Variants in TRMT44 observed in about 807,000 individuals in gnomAD.
TRMT44 encodes the protein tRNA methyltransferase 44 homolog.
A neutral mutation model predicts 77.3 loss-of-function variants in TRMT44; 78 were observed. That is an observed-to-expected ratio of 1.01 (90% CI 0.84 to 1.22). The LOEUF is 1.22. Ranked by LOEUF, TRMT44 falls within the 50% of genes most tolerant of loss-of-function variation. The pLI, the probability that TRMT44 is intolerant of heterozygous loss-of-function variation, is 0.00. For synonymous variants in TRMT44, 391 were observed against 383.3 expected (o/e 1.02, Z -0.23); for missense variants, 1,090 against 964.4 (o/e 1.13, Z -1.73).
downstream of TRMT44, among the ~76,000 whole-genome samples, chr4:8,496,059 A>G (rs1019171086): frequency 6.6e-6 from 1 of 152,072 alleles, no homozygotes; most frequent in Non-Finnish European, 1.5e-5. Context: ...GCAGTGGGAA[A>G]CCTTCATTTG....
downstream of TRMT44, among the ~76,000 whole-genome samples, chr4:8,495,902 T>A (rs1222022135): frequency 2.6e-5 from 4 of 152,196 alleles, no homozygotes; most frequent in Non-Finnish European, 5.9e-5. Flanking sequence ...TTCACTCTGG[T>A]CCTCTCCCAC....
Position 8,468,025 on chromosome 4 carries a change from G to C in TRMT44, c.1606G>C (p.Gly536Arg). The part of the protein sequence containing the change: ...SRRGCPVSPP[G>R]WELSPSPRWV... ...GCGGGGCTGCCCTGTAAGCCCACCT[G>C]GCTGGGAGCTTTCCCCTTCTCCACG... is the stretch of plus-strand genomic sequence containing the variant. Residue 536 changes from glycine (G) to arginine (R), a missense_variant, in exon 9 of 11, where the codon GGC becomes CGC. Coordinates refer to ENST00000389737, the MANE Select transcript of TRMT44 (RefSeq NM_152544.3). 6.2e-7 allele frequency: 1 copy of C among 1,614,022 alleles called. No homozygotes were observed. Among genetic ancestry groups the C allele is most frequent in the Non-Finnish European group, 8.5e-7 (1 of 1,180,042 alleles).
chr4:8,457,140 T>TAG (rs1468764351), intron 6 of TRMT44, among the ~76,000 whole-genome samples: 1 of 151,062 alleles, frequency 6.6e-6, no homozygotes, highest in Non-Finnish European at 1.5e-5. Flanking sequence ...CTGGAAAAAA[T>TAG]GCCAAAAAGG....
At chr4:8,470,124 G>A (rs1726882365) in intron 9 of TRMT44, among the ~76,000 whole-genome samples, 1 of 152,258 alleles carries the variant, frequency 6.6e-6, no homozygotes, top group Admixed American at 6.5e-5. Context: ...CGGGGCAACA[G>A]GGAAGGCTGA....
In TRMT44 at chr4:8,465,395, GCTT is replaced by G. The variant is rs1321654197; in HGVS notation, c.1332_1334del (p.Phe445del). ...TTTTGAAGGTCTTCCTACAATTGCC[GCTT>G]CTTTGTCCTCCCCTGCTGCTTCTTT... On this transcript the variant is annotated inframe_deletion, in exon 8 of 11. Transcript: ENST00000389737. 6.2e-7 allele frequency: 1 copy of G among 1,611,860 alleles called. No homozygotes were observed. The highest frequency in any genetic ancestry group is 8.5e-7 in the Non-Finnish European group (1 of 1,179,226).
At chr4:8,492,437 C>T (rs938353437) in intron 2 of TRMT44, among the ~76,000 whole-genome samples, 5 of 152,172 alleles carry the variant, frequency 3.3e-5, no homozygotes, top group South Asian at 2.1e-4. Flanking sequence ...CTAACCTAAC[C>T]GACTCCATCT....
the TRMT44 span, chr4:8,510,321 A>G: frequency 1.3e-5 from 2 of 152,720 alleles, no homozygotes; most frequent in Admixed American, 6.5e-5. Flanking sequence ...AGAGCCGGCC[A>G]TGGGGTGTCC....
intron 6 of TRMT44, among the ~76,000 whole-genome samples, chr4:8,455,328 C>T (rs951356658): frequency 6.6e-6 from 1 of 152,318 alleles, no homozygotes; most frequent in Admixed American, 6.5e-5. Flanking sequence ...TACTTGGGGC[C>T]TCTGAGAAGG....
At chr4:8,490,636 C>T (rs1446480123) in intron 2 of TRMT44, among the ~76,000 whole-genome samples, 1 of 152,128 alleles carries the variant, frequency 6.6e-6, no homozygotes, top group Admixed American at 6.5e-5. Context: ...AAGCTGCAGA[C>T]CTTCGCGGTG....
At chr4:8,456,976 C>T (rs1407586496) in intron 6 of TRMT44, among the ~76,000 whole-genome samples, 1 of 151,502 alleles carries the variant, frequency 6.6e-6, no homozygotes, top group East Asian at 1.9e-4. Context: ...CGCTTGAGGC[C>T]AGGAGTTCAA....
chr4:8,496,825 A>C (rs1728164694), downstream of TRMT44, among the ~76,000 whole-genome samples: 1 of 151,436 alleles, frequency 6.6e-6, no homozygotes, highest in African/African-American at 2.4e-5. Flanking sequence ...ATGGGGTTAA[A>C]TTTTTTAAAT....
chr4:8,447,728 C>T (rs1195890278), intron 2 of TRMT44, among the ~76,000 whole-genome samples: 2 of 152,202 alleles, frequency 1.3e-5, no homozygotes, highest in Non-Finnish European at 2.9e-5. Flanking sequence ...CCAGAGGTTG[C>T]CCCGAGTTGT....
At position 8,441,062 on chromosome 4, in the gene TRMT44, A is replaced by T; in HGVS notation, c.240A>T (p.Gly80=). ...RGPGPGQGSP[G]GGPGPRSLSG... Reference sequence around the variant, plus strand: ...CGGGACCCGGCCAGGGTTCCCCCGGAGGGGGCCCGGGTCCCAGGTCGCTAT... The same window carrying T: ...CGGGACCCGGCCAGGGTTCCCCCGGTGGGGGCCCGGGTCCCAGGTCGCTAT... The change falls in exon 1 of 11, where the codon GGA becomes GGT. Residue 80 remains glycine (G), a synonymous_variant. Transcript: ENST00000389737. The T allele has an allele frequency of 6.7e-7, 1 of 1,485,998 alleles. No individual in the cohort carries two copies. Among genetic ancestry groups the T allele is most frequent in the South Asian group, 1.3e-5 (1 of 75,854 alleles). The allele number at this position is 1,485,998 out of a possible 1,614,324, so 92.1% of individuals were successfully genotyped here. A position where few individuals can be genotyped will look rare whatever the true frequency, so the allele number is the denominator to read the frequency against.
At chr4:8,505,656 G>A in the TRMT44 span, among the ~76,000 whole-genome samples, 1 of 152,240 alleles carries the variant, frequency 6.6e-6, no homozygotes, top group Non-Finnish European at 1.5e-5. Context: ...TCATTCAGAT[G>A]AGGAAGCAGA....
At position 8,449,949 on chromosome 4, in the gene TRMT44, C is replaced by CTTTTCTTTTCT. The variant is rs761311536; in HGVS notation, c.954+65_954+66insCTTTTCTTTTT. The CTTTTCTTTTCT allele has an allele frequency of 2.2e-3, 535 of 238,946 alleles. 18 individuals carry two copies. The highest frequency in any genetic ancestry group is 4.4e-3 in the African/African-American group (59 of 13,440). 14.8% of individuals were successfully genotyped at this position (238,946 alleles called of 1,614,324 possible). On this transcript the variant is annotated intron_variant, in intron 3 of 10. Coordinates refer to ENST00000389737, the MANE Select transcript of TRMT44 (RefSeq NM_152544.3). ...TCATGATTTTCTTTTCTTTTCTTTT[C>CTTTTCTTTTCT]TTTTTTTTTTTTTTTTTTTTTTTTT...
chr4:8,478,740 A>C (rs2109207955), downstream of TRMT44: 1 of 152,294 alleles, frequency 6.6e-6, no homozygotes, highest in East Asian at 1.9e-4. Flanking sequence ...CATGAGGGGG[A>C]ATCTCGCCAG....
intron 9 of TRMT44, among the ~76,000 whole-genome samples, chr4:8,469,731 G>A (rs1198782146): frequency 2.6e-5 from 4 of 152,176 alleles, no homozygotes; most frequent in African/African-American, 4.8e-5. Flanking sequence ...GTGGGTCTGG[G>A]GCTTGTTAGG....
At position 8,452,237 on chromosome 4, in the gene TRMT44, TC is replaced by T. The variant is rs1300845798; in HGVS notation, c.1023+211del. ...TTTGGGTTGAAACTTGACCTCGGGT[TC>T]CAACTTGACCTGCAGGCGGAACTGT... On this transcript the variant is annotated intron_variant, in intron 4 of 10. Transcript: ENST00000389737. The surrounding 1 kb of genome is among the most constrained non-coding windows in gnomAD (Gnocchi z 5.7). Among the ~76,000 whole-genome samples, 1 of 152,226 alleles carries T rather than the reference TC, an allele frequency of 6.6e-6. No homozygotes were observed. Among genetic ancestry groups the T allele is most frequent in the Admixed American group, 6.5e-5 (1 of 15,282 alleles).
At chr4:8,486,726 C>T (rs1024640664) in intron 2 of TRMT44, among the ~76,000 whole-genome samples, 5 of 152,174 alleles carry the variant, frequency 3.3e-5, no homozygotes, top group African/African-American at 1.2e-4. Context: ...TTGACTATGC[C>T]TTTAGCTCCA....
Sources: allele counts gnomAD v4.1 joint callset (sites outside exome capture counted in the v4.1 genomes callset), GRCh38; gene constraint gnomAD v4.1.1; non-coding constraint Gnocchi (gnomAD v3.1); transcripts MANE v1.5; gene names NCBI Gene and HGNC (gene_info 2026-07-23, HGNC 2026-07-21).